Variants in EFCAB14 observed in about 807,000 individuals in gnomAD.
EFCAB14 encodes the protein EF-hand calcium-binding domain-containing protein 14.
Under a neutral mutation model 56.5 loss-of-function variants are expected in EFCAB14, and 43 were observed. That is an observed-to-expected ratio of 0.76 (90% CI 0.60 to 0.98). The LOEUF (loss-of-function observed/expected upper bound fraction) is 0.98, where lower values mean the gene tolerates loss of function less well. Among genes scored for constraint, EFCAB14 ranks in the 50% least tolerant of loss-of-function variants. EFCAB14 has a pLI of 0.00. For synonymous variants in EFCAB14, 235 were observed against 212.9 expected (o/e 1.10, Z -0.90); for missense variants, 538 against 580.3 (o/e 0.93, Z 0.75).
At chr1:46,707,053 T>C (rs1289955969) in intron 3 of EFCAB14, among the ~76,000 whole-genome samples, 2 of 152,176 alleles carry the variant, frequency 1.3e-5, no homozygotes, top group African/African-American at 2.4e-5. Flanking sequence ...TTCAGATACA[T>C]TTGCAAGCAC....
chr1:46,716,804 C>T (rs775175578), intron 1 of EFCAB14, among the ~76,000 whole-genome samples: 1 of 152,174 alleles, frequency 6.6e-6, no homozygotes, highest in Non-Finnish European at 1.5e-5. Flanking sequence ...TGGAATTTGC[C>T]TATTGATTTC....
At chr1:46,717,814 A>G in intron 1 of EFCAB14, 89 bp downstream of exon 1, 4 of 1,421,442 alleles carry the variant, frequency 2.8e-6, no homozygotes, top group Non-Finnish European at 3.8e-6. Context: ...TTTTCTTCCT[A>G]AGGACTTCCT....
intron 2 of EFCAB14, among the ~76,000 whole-genome samples, chr1:46,713,260 T>C (rs79811204): frequency 0.012 from 1,830 of 152,234 alleles, 34 homozygotes; most frequent in African/African-American, 0.042. Flanking sequence ...CTGGCATTTC[T>C]ATTGTAGCGA....
chr1:46,704,952 T>C (rs766984188), intron 3 of EFCAB14, among the ~76,000 whole-genome samples: 5 of 152,164 alleles, frequency 3.3e-5, no homozygotes, highest in South Asian at 2.1e-4. Context: ...AGAACAGTTC[T>C]CGTTAAGTGA....
chr1:46,687,260 G>C (rs1349840153), intron 7 of EFCAB14, among the ~76,000 whole-genome samples: 1 of 152,192 alleles, frequency 6.6e-6, no homozygotes, highest in Non-Finnish European at 1.5e-5. Flanking sequence ...TTTAGGAGTG[G>C]TAAGTTTTCA....
intron 4 of EFCAB14, among the ~76,000 whole-genome samples, chr1:46,692,814 C>T (rs4660956): frequency 0.17 from 25,932 of 152,132 alleles, 2,668 homozygotes; most frequent in South Asian, 0.27. Context: ...AGGACTCTTT[C>T]TCTATCAATC....
chr1:46,688,553 G>A lies in EFCAB14; in HGVS notation c.796-9C>T, dbSNP rs1161925603. The stretch of plus-strand genomic sequence containing the variant: ...TGAAGGTACAGGATATCCTAGAGTG[G>A]AAATAAATAAAGTTATGGAATCCAC... On this transcript the variant is annotated splice_polypyrimidine_tract_variant and intron_variant, in intron 6 of 10. Coordinates refer to ENST00000371933, the MANE Select transcript of EFCAB14 (RefSeq NM_014774.3). 4 of 1,609,158 alleles carry A rather than the reference G, an allele frequency of 2.5e-6. No individual in the cohort carries two copies. Among genetic ancestry groups the A allele is most frequent in the Non-Finnish European group, 3.4e-6 (4 of 1,177,508 alleles).
intron 5 of EFCAB14, among the ~76,000 whole-genome samples, chr1:46,691,174 CA>C (rs1676985448): frequency 6.6e-6 from 1 of 152,182 alleles, no homozygotes; most frequent in Non-Finnish European, 1.5e-5. Context: ...CTAGGCACTG[CA>C]GGGGTTTGAT....
chr1:46,715,658 C>T (rs907809590), intron 2 of EFCAB14, among the ~76,000 whole-genome samples: 5 of 151,950 alleles, frequency 3.3e-5, no homozygotes, highest in Admixed American at 2.6e-4. Flanking sequence ...GTAGAGGTTA[C>T]ACCAAGTTCT....
chr1:46,703,186 T>C (rs1677185169), intron 3 of EFCAB14, among the ~76,000 whole-genome samples: 1 of 152,068 alleles, frequency 6.6e-6, no homozygotes, highest in South Asian at 2.1e-4. Flanking sequence ...CTCAGCTCAC[T>C]GCAACCTCTG....
At chr1:46,688,263 T>A in intron 7 of EFCAB14, 90 bp downstream of exon 7, 1 of 1,277,090 alleles carries the variant, frequency 7.8e-7, no homozygotes, top group Non-Finnish European at 1.1e-6. Flanking sequence ...CTCTCAAATA[T>A]GCCAGAAGGC....
chr1:46,710,440 A>T (rs1358537336), intron 2 of EFCAB14, among the ~76,000 whole-genome samples: 1 of 152,142 alleles, frequency 6.6e-6, no homozygotes, highest in Non-Finnish European at 1.5e-5. Context: ...CCTCCTATCT[A>T]GCTGTAATTT....
At chr1:46,716,475 CAA>C in intron 1 of EFCAB14, 32 bp from the exon 2 acceptor site, 1 of 1,612,184 alleles carries the variant, frequency 6.2e-7, no homozygotes, top group Non-Finnish European at 8.5e-7. Flanking sequence ...ACCATGAGTA[CAA>C]AAGTGATTAT....
intron 2 of EFCAB14, 100 bp downstream of exon 2, chr1:46,716,195 G>T: frequency 7.6e-7 from 1 of 1,310,774 alleles, no homozygotes; most frequent in Non-Finnish European, 1.0e-6. Flanking sequence ...GTTGCAGTGA[G>T]CCGAGATTGC....
chr1:46,715,295 T>C (rs1383791187), intron 2 of EFCAB14, among the ~76,000 whole-genome samples: 1 of 152,106 alleles, frequency 6.6e-6, no homozygotes, highest in East Asian at 1.9e-4. Context: ...GTGCAGACAG[T>C]AGTGTTATAA....
In EFCAB14 at chr1:46,683,346, A is replaced by G. The variant is rs750670200; in HGVS notation, c.1266T>C (p.Ala422=). 1 of 1,614,110 alleles carries G rather than the reference A, an allele frequency of 6.2e-7. No homozygotes were observed. Among genetic ancestry groups the G allele is most frequent in the Non-Finnish European group, 8.5e-7 (1 of 1,179,978 alleles). ...GTAGGGAGATAGGTCTTAGTTGGGC[A>G]GCTTTCTCAACTGGGTCTCCAAGAA... The part of the protein sequence containing the change: ...SQFLGDPVEK[A]AQLRPISLPG... Residue 422 remains alanine (A), a synonymous_variant, in exon 10 of 11, where the codon GCT becomes GCC. Transcript: ENST00000371933.
At position 46,705,928 on chromosome 1, in the gene EFCAB14, G is replaced by A. The variant is rs77145934; in HGVS notation, c.480+1978C>T. Reference sequence around the variant, plus strand: ...TGCCCAGGCTAGAGTGCAGTGACACGATTACAGCTCACTGCAGCTTCAAAC... The same window carrying A: ...TGCCCAGGCTAGAGTGCAGTGACACAATTACAGCTCACTGCAGCTTCAAAC... On this transcript the variant is annotated intron_variant, in intron 3 of 10. Transcript: ENST00000371933. Among the ~76,000 whole-genome samples the A allele has an allele frequency of 6.0e-3, 913 of 151,810 alleles. 10 individuals carry two copies. Among genetic ancestry groups the A allele is most frequent in the East Asian group, 0.033 (171 of 5,138 alleles).
intron 4 of EFCAB14, among the ~76,000 whole-genome samples, chr1:46,692,722 G>A (rs990060770): frequency 1.3e-5 from 2 of 152,136 alleles, no homozygotes; most frequent in African/African-American, 4.8e-5. Context: ...ATGAAACACT[G>A]CCCTAATGAA....
Position 46,717,928 on chromosome 1 carries a change from C to T in EFCAB14, c.160G>A (p.Val54Ile). Residue 54 changes from valine (V) to isoleucine (I), a missense_variant, in exon 1 of 11, where the codon GTT (valine) becomes ATT (isoleucine). By Grantham distance (29) the Val-to-Ile change is conservative. Transcript: ENST00000371933. ...SSEEEEEFGV[V>I]GNRSRFAKGD... is the part of the protein sequence containing the mutation. ...TTGGCAAAGCGAGAGCGATTTCCAA[C>T]CACACCGAATTCCTCTTCCTCTTCG... The T allele has an allele frequency of 6.2e-7, 1 of 1,613,948 alleles. No individual in the cohort carries two copies.
Sources: gnomAD v4.1 joint callset for allele counts (sites outside exome capture counted in the v4.1 genomes callset) on GRCh38, gnomAD v4.1.1 for gene constraint, MANE v1.5 for transcripts, NCBI Gene and HGNC (gene_info 2026-07-23, HGNC 2026-07-21) for gene names.